The following FBXL13 variants were observed in gnomAD, a reference collection of about 807,000 sequenced individuals.
FBXL13 encodes F-box and leucine rich repeat protein 13, also known as F-box and leucine-rich repeat protein 13.
A neutral mutation model predicts 83.6 loss-of-function variants in FBXL13; 67 were observed. The observed-to-expected ratio is 0.80, with a 90% CI of 0.66 to 0.98. FBXL13 has a LOEUF of 0.98. Among genes scored for constraint, FBXL13 ranks in the 50% least tolerant of loss-of-function variants. The probability of loss-of-function intolerance (pLI) is 0.00; values close to 1 mark genes in which losing one functional copy is unlikely to be tolerated. For synonymous variants in FBXL13, 272 were observed against 299.5 expected, an observed-to-expected ratio of 0.91 and a Z score of 0.95; for missense variants, 822 against 866.5, an observed-to-expected ratio of 0.95 and a Z score of 0.64.
intron 6 of FBXL13, among the ~76,000 whole-genome samples, chr7:102,997,955 T>C (rs1789987306): frequency 1.3e-5 from 2 of 152,226 alleles, no homozygotes; most frequent in Non-Finnish European, 2.9e-5. Flanking sequence ...CTGGATCATA[T>C]GGCAATTCTA....
chr7:103,051,361 C>T (rs1796795064), intron 2 of FBXL13, among the ~76,000 whole-genome samples: 1 of 152,186 alleles, frequency 6.6e-6, no homozygotes, highest in Admixed American at 6.5e-5. Flanking sequence ...CATTCCTGGA[C>T]CCAGCTGAGT....
At chr7:102,945,495 T>C (rs781289578) in intron 8 of FBXL13, among the ~76,000 whole-genome samples, 13 of 152,082 alleles carry the variant, frequency 8.5e-5, no homozygotes, top group South Asian at 4.2e-4. Flanking sequence ...GAATAAAATA[T>C]AGGAAATAAT....
intron 1 of FBXL13, among the ~76,000 whole-genome samples, chr7:103,069,234 G>A (rs1343527214): frequency 2.0e-5 from 3 of 151,576 alleles, no homozygotes; most frequent in African/African-American, 4.8e-5. Flanking sequence ...CTGCCCAGCC[G>A]CTGCACCTTC....
chr7:102,871,684 C>T (rs1198608679), intron 16 of FBXL13, among the ~76,000 whole-genome samples: 1 of 152,166 alleles, frequency 6.6e-6, no homozygotes, highest in Non-Finnish European at 1.5e-5. Context: ...TAAGCCACCA[C>T]ACCTGGCCAA....
At chr7:102,853,918 C>A (rs146005679) in intron 17 of FBXL13, among the ~76,000 whole-genome samples, 1 of 151,990 alleles carries the variant, frequency 6.6e-6, no homozygotes, top group Non-Finnish European at 1.5e-5. Context: ...TTTACACTGT[C>A]GGTGGGACTG....
At chr7:102,883,509 G>A in intron 13 of FBXL13, 42 bp from the exon 15 acceptor site, 1 of 1,593,548 alleles carries the variant, frequency 6.3e-7, no homozygotes, top group Non-Finnish European at 8.6e-7. Flanking sequence ...ATTGTATTTA[G>A]AATGCCACAA....
intron 16 of FBXL13, among the ~76,000 whole-genome samples, chr7:102,867,950 C>T (rs1807992572): frequency 1.3e-5 from 2 of 151,584 alleles, no homozygotes; most frequent in Admixed American, 6.6e-5. Flanking sequence ...GATCTGCCCA[C>T]CTCGGCCTCC....
rs187892196 is a variant in FBXL13 at position 102,869,750 on chromosome 7, G to A, written c.1635+7717C>T. ...GAAGAGAATGTTCTTTCCCCAATGT[G>A]TGTTCTTGGTGCCTTTTTCAAAAAT... is the stretch of plus-strand genomic sequence containing the variant. On this transcript the variant is annotated intron_variant, in intron 16 of 19. Coordinates refer to ENST00000313221, the Ensembl canonical transcript of FBXL13. Among the ~76,000 whole-genome samples the A allele has an allele frequency of 7.7e-3, 1,174 of 152,196 alleles. 8 individuals carry two copies. The highest frequency in any genetic ancestry group is 0.013 in the Non-Finnish European group (878 of 68,006).
chr7:102,816,729 ATGC>A (rs1798062881), intron 19 of FBXL13, among the ~76,000 whole-genome samples: 1 of 152,180 alleles, frequency 6.6e-6, no homozygotes, highest in Non-Finnish European at 1.5e-5. Context: ...AGTGAACATA[ATGC>A]CCAGTAGGTA....
intron 8 of FBXL13, among the ~76,000 whole-genome samples, chr7:102,949,464 T>C (rs1412877031): frequency 6.6e-6 from 1 of 152,154 alleles, no homozygotes; most frequent in East Asian, 1.9e-4. Context: ...CCATCATTCC[T>C]CTCTATGTGT....
chr7:102,811,601 G>C (rs1797441028), downstream of FBXL13, among the ~76,000 whole-genome samples: 1 of 152,178 alleles, frequency 6.6e-6, no homozygotes. Context: ...GAACATAACA[G>C]GGTGTGTTTC....
chr7:102,957,818 A>G (rs1022059495), intron 8 of FBXL13, among the ~76,000 whole-genome samples: 7 of 152,208 alleles, frequency 4.6e-5, no homozygotes, highest in Non-Finnish European at 1.0e-4. Flanking sequence ...GAGAAATGCA[A>G]ATCAAAACCA....
intron 7 of FBXL13, among the ~76,000 whole-genome samples, chr7:102,966,442 G>T (rs1825972700): frequency 6.6e-6 from 1 of 152,096 alleles, no homozygotes; most frequent in South Asian, 2.1e-4. Flanking sequence ...TGGGGATGTT[G>T]CTTTTTCCTT....
At chr7:102,814,699 C>T (rs114743309) in intron 19 of FBXL13, among the ~76,000 whole-genome samples, 3,750 of 152,244 alleles carry the variant, frequency 0.025, 165 homozygotes, top group African/African-American at 0.086. Context: ...TTTGGAGCCA[C>T]CAATCCCTAT....
chr7:103,014,772 A>T (rs1013452350), intron 6 of FBXL13, among the ~76,000 whole-genome samples: 4 of 151,768 alleles, frequency 2.6e-5, no homozygotes, highest in African/African-American at 9.7e-5. Context: ...AAATACAAAA[A>T]ATTAGCCGGG....
chr7:102,894,743 AAAG>A (rs1011316642), intron 11 of FBXL13, among the ~76,000 whole-genome samples: 6 of 151,584 alleles, frequency 4.0e-5, no homozygotes, highest in African/African-American at 1.5e-4. Context: ...AAAAAAAAAA[AAAG>A]AGAGAGAGAG....
intron 6 of FBXL13, among the ~76,000 whole-genome samples, chr7:102,982,181 G>T (rs916090619): frequency 6.6e-6 from 1 of 152,140 alleles, no homozygotes; most frequent in African/African-American, 2.4e-5. Context: ...TAGTGGTTGG[G>T]TGGCAGTCTT....
Position 103,016,632 on chromosome 7 carries a change from C to T in FBXL13, c.495+8431G>A, listed in dbSNP as rs558016665. ...AAATCGGGTCACTCCCACCCTAATA[C>T]TGTGCTTTTCCAACGGTCTTAGTAA... On this transcript the variant is annotated intron_variant, in intron 6 of 19. Coordinates refer to ENST00000313221, the Ensembl canonical transcript of FBXL13. Among the ~76,000 whole-genome samples, 4 of 152,302 alleles carry T rather than the reference C, an allele frequency of 2.6e-5. No homozygotes were observed. The South Asian group carries it at 6.2e-4, about 24-fold the overall frequency.
intron 11 of FBXL13, among the ~76,000 whole-genome samples, chr7:102,896,922 G>A (rs1403466222): frequency 2.0e-5 from 3 of 151,954 alleles, no homozygotes; most frequent in African/African-American, 7.3e-5. Flanking sequence ...ATAATAGATG[G>A]TGCCTAGATT....
Sources: allele counts gnomAD v4.1 joint callset (sites outside exome capture counted in the v4.1 genomes callset), GRCh38; gene constraint gnomAD v4.1.1; transcripts MANE v1.5; gene names NCBI Gene and HGNC (gene_info 2026-07-23, HGNC 2026-07-21).